Variants in NCAM2 observed in about 807,000 individuals in gnomAD.
The protein encoded by NCAM2 is N-CAM-2.
A neutral mutation model predicts 98.1 loss-of-function variants in NCAM2; 30 were observed. The ratio of observed to expected loss-of-function variants is 0.31; its 90% CI spans 0.23 to 0.41. NCAM2 has a LOEUF of 0.41. Among genes scored for constraint, NCAM2 ranks in the 10% least tolerant of loss-of-function variants. The pLI is 1.00. For synonymous variants in NCAM2, 368 were observed against 342.4 expected (o/e 1.07, Z -0.83); for missense variants, 867 against 1,005.8 (o/e 0.86, Z 1.87).
At chr21:21,518,241 T>C (rs138821688) in intron 16 of NCAM2, among the ~76,000 whole-genome samples, 3,621 of 152,282 alleles carry the variant, frequency 0.024, 62 homozygotes, top group Non-Finnish European at 0.037. Context: ...CCATTTGTTA[T>C]GTATGTTCTG....
At chr21:21,454,380 C>G (rs1981805361) in intron 12 of NCAM2, among the ~76,000 whole-genome samples, 1 of 151,934 alleles carries the variant, frequency 6.6e-6, no homozygotes, top group Non-Finnish European at 1.5e-5. Context: ...TCCCACATTC[C>G]AGCAGCTATT....
At chr21:21,335,356 C>T (rs2074832900) in intron 6 of NCAM2, 149 bp from the exon 7 acceptor site, 5 of 512,686 alleles carry the variant, frequency 9.8e-6, no homozygotes, top group Non-Finnish European at 1.2e-5. Flanking sequence ...TCTGAGGCTA[C>T]TAAAAATATA....
chr21:21,355,024 A>G (rs2075433899), intron 8 of NCAM2, among the ~76,000 whole-genome samples: 1 of 152,198 alleles, frequency 6.6e-6, no homozygotes, highest in African/African-American at 2.4e-5. Context: ...TTTATTGAGA[A>G]AATGTGTCTT....
rs542422225 is a variant in NCAM2, at chr21:21,167,039, G to A, written c.56-113539G>A. On this transcript the variant is annotated intron_variant, in intron 1 of 17. Coordinates refer to ENST00000400546, the MANE Select transcript of NCAM2 (RefSeq NM_004540.5). ...GCTTTATCTCCAAATTATGCTATTA[G>A]TTTTGTTGTTTTATGTCCCTTCTCT... 3.9e-4 allele frequency among the ~76,000 whole-genome samples: 60 copies of A among 152,236 alleles called. No homozygotes were observed. The South Asian group carries it at 0.012, about 32-fold the overall frequency.
At chr21:21,427,034 T>A (rs2077228470) in intron 11 of NCAM2, among the ~76,000 whole-genome samples, 1 of 152,178 alleles carries the variant, frequency 6.6e-6, no homozygotes, top group African/African-American at 2.4e-5. Context: ...GATTCCTGGA[T>A]CTAAGTTTAG....
At chr21:21,280,531 A>C (rs2072890769) in intron 1 of NCAM2, 47 bp from the exon 2 acceptor site, 25 of 1,350,712 alleles carry the variant, frequency 1.9e-5, no homozygotes, top group Non-Finnish European at 2.6e-5. Flanking sequence ...AAATCTTAGA[A>C]ATCACGCTTA....
At chr21:21,045,791 G>A (rs186815661) in intron 1 of NCAM2, among the ~76,000 whole-genome samples, 5 of 152,160 alleles carry the variant, frequency 3.3e-5, no homozygotes, top group African/African-American at 4.8e-5. Context: ...TAAATTCAAC[G>A]TCATAAAATA....
intron 10 of NCAM2, among the ~76,000 whole-genome samples, chr21:21,415,710 A>C (rs753046880): frequency 2.0e-5 from 3 of 152,158 alleles, no homozygotes; most frequent in African/African-American, 7.2e-5. Flanking sequence ...TTTTTATGTT[A>C]TAAAGATGGC....
chr21:21,023,303 C>A (rs1601120066), intron 1 of NCAM2, among the ~76,000 whole-genome samples: 1 of 152,060 alleles, frequency 6.6e-6, no homozygotes, highest in African/African-American at 2.4e-5. Context: ...GTGGACAGAT[C>A]ACTTGAGGTC....
At chr21:21,344,429 C>T (rs748055383) in intron 8 of NCAM2, among the ~76,000 whole-genome samples, 2 of 152,096 alleles carry the variant, frequency 1.3e-5, no homozygotes, top group Non-Finnish European at 2.9e-5. Flanking sequence ...GGCCAGGCAG[C>T]ATTCACCACA....
chr21:21,522,421 A>G (rs1169468402), intron 16 of NCAM2, among the ~76,000 whole-genome samples: 3 of 150,984 alleles, frequency 2.0e-5, no homozygotes, highest in Admixed American at 2.0e-4. Flanking sequence ...TGCAGAAGCC[A>G]TAAAACAAGA....
At chr21:21,049,550 G>A (rs1347380071) in intron 1 of NCAM2, among the ~76,000 whole-genome samples, 17 of 151,724 alleles carry the variant, frequency 1.1e-4, no homozygotes, top group Non-Finnish European at 1.3e-4. Context: ...GTTACTATAA[G>A]GAATTTAGAA....
At chr21:21,094,460 T>C (rs781603541) in intron 1 of NCAM2, among the ~76,000 whole-genome samples, 26 of 151,842 alleles carry the variant, frequency 1.7e-4, no homozygotes, top group Non-Finnish European at 2.8e-4. Flanking sequence ...CTAAACAATA[T>C]ACTCAGACAT....
intron 1 of NCAM2, among the ~76,000 whole-genome samples, chr21:21,264,806 A>G (rs911789013): frequency 2.2e-5 from 3 of 138,766 alleles, no homozygotes; most frequent in African/African-American, 7.9e-5. Flanking sequence ...CACTATATAT[A>G]TACACACACG....
chr21:21,474,990 C>G (rs542731164), intron 14 of NCAM2, among the ~76,000 whole-genome samples: 50 of 149,884 alleles, frequency 3.3e-4, no homozygotes, highest in African/African-American at 1.2e-3. Context: ...ATATATATAA[C>G]ACATATATAA....
chr21:21,052,784 A>G (rs923350090), intron 1 of NCAM2, among the ~76,000 whole-genome samples: 6 of 152,176 alleles, frequency 3.9e-5, no homozygotes, highest in Non-Finnish European at 5.9e-5. Flanking sequence ...TTAAAAAATC[A>G]ATTATTGCGT....
At chr21:21,054,288 A>G (rs1164696896) in intron 1 of NCAM2, among the ~76,000 whole-genome samples, 3 of 152,022 alleles carry the variant, frequency 2.0e-5, no homozygotes, top group Admixed American at 6.5e-5. Flanking sequence ...GTCACCACAC[A>G]GTACAGTATT....
At chr21:21,313,115 T>A (rs979194225) in intron 5 of NCAM2, among the ~76,000 whole-genome samples, 4 of 151,924 alleles carry the variant, frequency 2.6e-5, no homozygotes, top group Admixed American at 6.6e-5. Flanking sequence ...CATCTCTCCT[T>A]TTTTCATCCT....
At chr21:21,235,823 C>T (rs1428060213) in intron 1 of NCAM2, among the ~76,000 whole-genome samples, 1 of 151,924 alleles carries the variant, frequency 6.6e-6, no homozygotes, top group African/African-American at 2.4e-5. Context: ...ATCCTCAACC[C>T]CTGTCTTTAC....
Sources: allele counts gnomAD v4.1 joint callset (sites outside exome capture counted in the v4.1 genomes callset), GRCh38; gene constraint gnomAD v4.1.1; transcripts MANE v1.5; gene names NCBI Gene and HGNC (gene_info 2026-07-23, HGNC 2026-07-21).